HACE1: variants seen among roughly 807,000 people sequenced by gnomAD.
HACE1 encodes HECT domain and ankyrin repeat containing E3 ubiquitin protein ligase 1.
In HACE1, 73 loss-of-function variants were observed where a neutral mutation model predicts 118.4. The observed-to-expected ratio is 0.62, with a 90% CI of 0.51 to 0.75. HACE1 has a LOEUF of 0.75. HACE1 is among the 30% of genes least tolerant of loss of function. The pLI is 0.00. For missense variants in HACE1, 749 were observed against 1,102.2 expected (o/e 0.68, Z 4.54); for synonymous variants, 368 against 374.8 (o/e 0.98, Z 0.21).
chr6:104,773,961 GTAA>G (rs1258593567), intron 17 of HACE1, among the ~76,000 whole-genome samples: 1 of 151,298 alleles, frequency 6.6e-6, no homozygotes, highest in Admixed American at 6.6e-5. Context: ...TCATTTTCAT[GTAA>G]TAATAATAGC....
chr6:104,801,806 C>T (rs968732755), intron 7 of HACE1, among the ~76,000 whole-genome samples: 5 of 152,072 alleles, frequency 3.3e-5, no homozygotes, highest in East Asian at 1.9e-4. Context: ...CATCAATTAA[C>T]GGGCAAGATA....
intron 6 of HACE1, among the ~76,000 whole-genome samples, chr6:104,825,123 G>A (rs544919093): frequency 6.6e-5 from 10 of 151,848 alleles, no homozygotes; most frequent in African/African-American, 2.2e-4. Context: ...AAAGAAAATG[G>A]CAGAATATAT....
At chr6:104,838,916 A>T (rs867666062) in intron 5 of HACE1, among the ~76,000 whole-genome samples, 80 of 133,440 alleles carry the variant, frequency 6.0e-4, no homozygotes, top group East Asian at 3.8e-3. Flanking sequence ...AAAAAAAAAA[A>T]TTTTGATTAA....
chr6:104,751,951 C>CAAAAA (rs1389802161), intron 19 of HACE1, among the ~76,000 whole-genome samples: 2 of 92,408 alleles, frequency 2.2e-5, no homozygotes, highest in African/African-American at 1.0e-4. Context: ...CAAAAAAAAC[C>CAAAAA]AAACAAAAAA....
chr6:104,825,487 C>A (rs1052432251), intron 6 of HACE1, among the ~76,000 whole-genome samples: 4 of 151,978 alleles, frequency 2.6e-5, no homozygotes, highest in African/African-American at 9.7e-5. Flanking sequence ...TAGTTATGTG[C>A]AAGCAATCGG....
At chr6:104,794,742 G>GCAAATACA (rs1290820708) in intron 10 of HACE1, among the ~76,000 whole-genome samples, 17 of 151,992 alleles carry the variant, frequency 1.1e-4, no homozygotes, top group Admixed American at 9.8e-4. Context: ...CATCTCTACT[G>GCAAATACA]AAAATACAAA....
chr6:104,739,234 A>G (rs946975798), intron 22 of HACE1, among the ~76,000 whole-genome samples: 2 of 152,186 alleles, frequency 1.3e-5, no homozygotes, highest in African/African-American at 2.4e-5. Flanking sequence ...AAAGACCATC[A>G]AGACTAGGAA....
chr6:104,837,916 A>T (rs1453218053), intron 5 of HACE1, among the ~76,000 whole-genome samples: 4 of 152,208 alleles, frequency 2.6e-5, no homozygotes, highest in Non-Finnish European at 5.9e-5. Flanking sequence ...TGATGTCAGC[A>T]GCAAACAACC....
At chr6:104,743,753 T>G (rs1777092722) in intron 22 of HACE1, among the ~76,000 whole-genome samples, 1 of 152,086 alleles carries the variant, frequency 6.6e-6, no homozygotes, top group Non-Finnish European at 1.5e-5. Flanking sequence ...AAAACTGTTG[T>G]GTATGGGTAA....
chr6:104,791,736 C>T, intron 10 of HACE1, 82 bp from the exon 11 acceptor site: 1 of 873,786 alleles, frequency 1.1e-6, no homozygotes, highest in Non-Finnish European at 1.8e-6. Flanking sequence ...TTTCATCCCA[C>T]TGACCATCTG....
At chr6:104,856,095 T>C (rs769534668) in intron 1 of HACE1, among the ~76,000 whole-genome samples, 10 of 152,224 alleles carry the variant, frequency 6.6e-5, no homozygotes, top group Non-Finnish European at 1.2e-4. Context: ...TGTTGCCAGA[T>C]ACTTCCTTGT....
intron 19 of HACE1, among the ~76,000 whole-genome samples, chr6:104,761,592 A>T (rs968838783): frequency 6.6e-6 from 1 of 152,220 alleles, no homozygotes; most frequent in Admixed American, 6.5e-5. Flanking sequence ...GACCATAAAA[A>T]TCCTGCAAGA....
At chr6:104,798,875 T>C (rs1382391026) in intron 7 of HACE1, among the ~76,000 whole-genome samples, 4 of 152,248 alleles carry the variant, frequency 2.6e-5, no homozygotes, top group Non-Finnish European at 5.9e-5. Context: ...ATGATATCTC[T>C]TTTACAGTTC....
In HACE1 at chr6:104,785,251, G is replaced by T. The variant is rs1782230832; in HGVS notation, c.1143C>A (p.Asn381Lys). Residue 381 changes from asparagine to lysine, a missense_variant, in exon 12 of 24, where the codon AAC becomes AAA. Transcript: ENST00000262903. ...AAGTGATCTCTGTTGAGTCTCTTTT[G>T]TTTTTCATCAATTCTGTGGCTATTA... ...LVLIATELMK[N>K]KRDSTEITSI... 5 of 1,612,282 alleles carry T rather than the reference G, an allele frequency of 3.1e-6. No individual in the cohort carries two copies. The highest frequency in any genetic ancestry group is 4.2e-6 in the Non-Finnish European group (5 of 1,178,704).
chr6:104,820,583 A>C (rs1025080798), intron 6 of HACE1, among the ~76,000 whole-genome samples: 7 of 152,236 alleles, frequency 4.6e-5, no homozygotes, highest in Non-Finnish European at 1.0e-4. Context: ...AATCATATGA[A>C]AGAAAAGCTC....
At chr6:104,786,687 A>G (rs144110724) in intron 11 of HACE1, 2 of 152,028 alleles carry the variant, frequency 1.3e-5, no homozygotes, top group East Asian at 3.9e-4. Context: ...TTAATAGTTT[A>G]TAAGTGGTAC....
chr6:104,858,708 A>C (rs1776997212), intron 1 of HACE1, among the ~76,000 whole-genome samples: 1 of 152,220 alleles, frequency 6.6e-6, no homozygotes. Flanking sequence ...CACCAGCTAC[A>C]ACCTCCTCCC....
chr6:104,737,084 G>C (rs36023698), intron 22 of HACE1, among the ~76,000 whole-genome samples: 1 of 150,844 alleles, frequency 6.6e-6, no homozygotes. Flanking sequence ...AGGAGTTCAA[G>C]ACCAGCTTGG....
chr6:104,859,760 C>CT lies in HACE1; in HGVS notation c.-119dup. 1.0e-6 allele frequency: 1 copy of CT among 962,930 alleles called. No homozygotes were observed. Among genetic ancestry groups the CT allele is most frequent in the Non-Finnish European group, 1.5e-6 (1 of 655,602 alleles). 59.6% of individuals were successfully genotyped at this position (962,930 alleles called of 1,614,324 possible). A position where few individuals can be genotyped will look rare whatever the true frequency, so the allele number is the denominator to read the frequency against. ...AGGCGGAGACGCGGGCTTGCCCCGG[C>CT]TAGAGCACTGAGCTGCGAGGGCTGC... On this transcript the variant is annotated 5_prime_UTR_variant, in exon 1 of 24. Transcript: ENST00000262903.
Sources: gnomAD v4.1 joint callset for allele counts (sites outside exome capture counted in the v4.1 genomes callset) on GRCh38, gnomAD v4.1.1 for gene constraint, MANE v1.5 for transcripts, NCBI Gene and HGNC (gene_info 2026-07-23, HGNC 2026-07-21) for gene names.